The following COL11A2 variants were observed in gnomAD, a reference collection of about 807,000 sequenced individuals.
COL11A2 encodes collagen alpha-2(XI) chain.
In COL11A2, 116 loss-of-function variants were observed where a neutral mutation model predicts 273.4. The observed-to-expected ratio is 0.42, with a 90% CI of 0.36 to 0.49. The LOEUF (loss-of-function observed/expected upper bound fraction) is 0.49, where lower values mean the gene tolerates loss of function less well. COL11A2 is among the 20% of genes least tolerant of loss of function. The pLI, the probability that COL11A2 is intolerant of heterozygous loss-of-function variation, is 0.00. For synonymous variants in COL11A2, 782 were observed against 864.2 expected (o/e 0.90, Z 1.67); for missense variants, 1,866 against 2,309.0 (o/e 0.81, Z 3.93).
Position 33,163,285 on chromosome 6 carries a change from T to G in COL11A2, c.*393A>C. 3 of 229,908 alleles carry G rather than the reference T, an allele frequency of 1.3e-5. No individual in the cohort carries two copies. Among genetic ancestry groups the G allele is most frequent in the South Asian group, 7.5e-5 (1 of 13,408 alleles). 14.2% of individuals were successfully genotyped at this position (229,908 alleles called of 1,614,324 possible). A position where few individuals can be genotyped will look rare whatever the true frequency, so the allele number is the denominator to read the frequency against. ...GACCCCTGTCTTCAACATCTGCTGA[T>G]TTTTGTTGGCGTTTCTCTTTTTTGT... On this transcript the variant is annotated 3_prime_UTR_variant, in exon 66 of 66. Transcript: ENST00000341947. This position sits in a 1 kb window ranked among gnomAD's most constrained non-coding sequence, Gnocchi z 4.1.
Position 33,173,597 on chromosome 6 carries a change from G to A in COL11A2, c.2629-42C>T, listed in dbSNP as rs762135807. 10 of 1,155,862 alleles carry A rather than the reference G, an allele frequency of 8.7e-6. No homozygotes were observed. In the South Asian group the frequency reaches 1.2e-4, roughly 14 times the overall value. The allele number at this position is 1,155,862 out of a possible 1,614,324, so 71.6% of individuals were successfully genotyped here. On this transcript the variant is annotated intron_variant, in intron 35 of 65. Coordinates refer to ENST00000341947, the MANE Select transcript of COL11A2 (RefSeq NM_080680.3). This position sits in a 1 kb window ranked among gnomAD's most constrained non-coding sequence, Gnocchi z 6.3. Reference sequence around the variant, plus strand: ...GGGGAGTCAGGAGAATGGGGGCAGGGGCTGAGTGGGGGAACTCAGCTTCCT... The same window carrying A: ...GGGGAGTCAGGAGAATGGGGGCAGGAGCTGAGTGGGGGAACTCAGCTTCCT...
Position 33,167,206 on chromosome 6 carries a change from C to T in COL11A2, c.4176+58G>A. 1.2e-6 allele frequency: 2 copies of T among 1,613,634 alleles called. No homozygotes were observed. Among genetic ancestry groups the T allele is most frequent in the Non-Finnish European group, 1.7e-6 (2 of 1,179,536 alleles). On this transcript the variant is annotated intron_variant, in intron 57 of 65. Coordinates refer to ENST00000341947, the MANE Select transcript of COL11A2 (RefSeq NM_080680.3). The surrounding 1 kb of genome is among the most constrained non-coding windows in gnomAD (Gnocchi z 6.1). ...ACAGCCTCCACTTCCTCCAGGGCTTCAGCTCTGTCCCAGGGCACTGCCCTC... is the reference window on the plus strand; with the variant it reads ...ACAGCCTCCACTTCCTCCAGGGCTTTAGCTCTGTCCCAGGGCACTGCCCTC...
intron 7 of COL11A2, among the ~76,000 whole-genome samples, 175 bp downstream of exon 7, chr6:33,184,817 G>C (rs1328324693): frequency 6.6e-6 from 1 of 152,204 alleles, no homozygotes. Context: ...TGGACTTAGA[G>C]AGTCAAGCAG....
At chr6:33,193,219 C>T (rs1006857780), upstream of COL11A2, among the ~76,000 whole-genome samples, 4 of 152,034 alleles carry the variant, frequency 2.6e-5, no homozygotes, top group Non-Finnish European at 4.4e-5. Flanking sequence ...GCACGCAGCG[C>T]TCGGCGCCCA....
rs1771311101 is a variant in COL11A2, at chr6:33,178,920, C to T, written c.1665G>A (p.Lys555=). 4 of 1,613,876 alleles carry T rather than the reference C, an allele frequency of 2.5e-6. No individual in the cohort carries two copies. Among genetic ancestry groups the T allele is most frequent in the African/African-American group, 1.3e-5 (1 of 74,878 alleles). Reference sequence around the variant, plus strand: ...TCAGGGAGGGGCCCAAGCCTGTTACCTTCACTCCAGGATCTCCAGGCATCC... The same window carrying T: ...TCAGGGAGGGGCCCAAGCCTGTTACTTTCACTCCAGGATCTCCAGGCATCC... ...ARGMPGDPGV[K]GDRGFDGLPG... Residue 555 remains lysine (K), a splice_region_variant and synonymous_variant, in exon 17 of 66, where the codon AAG becomes AAA. Coordinates refer to ENST00000341947, the MANE Select transcript of COL11A2 (RefSeq NM_080680.3). This position sits in a 1 kb window ranked among gnomAD's most constrained non-coding sequence, Gnocchi z 4.6.
chr6:33,184,387 C>T, intron 7 of COL11A2, 63 bp from the exon 8 acceptor site: 2 of 1,223,896 alleles, frequency 1.6e-6, no homozygotes, highest in South Asian at 1.2e-5. Context: ...GAGGCTTACC[C>T]TGGACCCCAG....
In COL11A2 at chr6:33,170,712, C is replaced by A. The variant is rs1294374911; in HGVS notation, c.3474+98G>T. The A allele has an allele frequency of 1.3e-6, 2 of 1,583,720 alleles. No individual in the cohort carries two copies. The highest frequency in any genetic ancestry group is 2.7e-5 in the African/African-American group (2 of 74,320). On this transcript the variant is annotated intron_variant, in intron 46 of 65. Transcript: ENST00000341947. This position sits in a 1 kb window ranked among gnomAD's most constrained non-coding sequence, Gnocchi z 4.3. ...TCCCCTCCCCTCAGACTCCGCAGGC[C>A]CTCCAGTCTGCATCGGCAGGCTGCT...
rs1293223158 is a variant in COL11A2 at position 33,170,144 on chromosome 6, T to C, written c.3583-44A>G. On this transcript the variant is annotated intron_variant, in intron 48 of 65. Coordinates refer to ENST00000341947, the MANE Select transcript of COL11A2 (RefSeq NM_080680.3). The surrounding 1 kb of genome is among the most constrained non-coding windows in gnomAD (Gnocchi z 4.3). ...TAGGTGTCATTGCTTAGGATGGAGG[T>C]GCCATTTCAGGGGCAAAGTCCCAGA... is the stretch of plus-strand genomic sequence containing the variant. 2.5e-6 allele frequency: 4 copies of C among 1,612,102 alleles called. No individual in the cohort carries two copies. The highest frequency in any genetic ancestry group is 2.5e-6 in the Non-Finnish European group (3 of 1,179,468).
Position 33,164,460 on chromosome 6 carries a change from T to C in COL11A2, c.4877A>G (p.Asp1626Gly). 1 of 1,556,740 alleles carries C rather than the reference T, an allele frequency of 6.4e-7. No homozygotes were observed. ...RDDVTQFSYV[D>G]SEGSPVGVVQ... ...CACACCCACTGGGGAGCCCTCTGAGTCCACGTAAGAGAACTGGAAGGAGAG... is the reference window on the plus strand; with the variant it reads ...CACACCCACTGGGGAGCCCTCTGAGCCCACGTAAGAGAACTGGAAGGAGAG... Residue 1626 changes from aspartate (D) to glycine (G), a missense_variant, in exon 65 of 66, where the codon GAC (aspartate) becomes GGC (glycine). Transcript: ENST00000341947. This position sits in a 1 kb window ranked among gnomAD's most constrained non-coding sequence, Gnocchi z 4.7.
rs538636136 is a variant in COL11A2 at position 33,178,438 on chromosome 6, C to T, written c.1770G>A (p.Glu590=). The part of the protein sequence containing the change: ...GLPGPPGEDG[E]RGDDGEIGPR... ...CTACATTTGCCACTACACTTACCCT[C>T]TCTCCATCCTCACCAGGGGGACCAG... Residue 590 remains glutamate, a synonymous_variant, in exon 19 of 66, where the codon GAG becomes GAA. Transcript: ENST00000341947. This position sits in a 1 kb window ranked among gnomAD's most constrained non-coding sequence, Gnocchi z 4.6. The T allele has an allele frequency of 3.1e-6, 5 of 1,612,994 alleles. No individual in the cohort carries two copies. The East Asian group carries it at 1.1e-4, about 36-fold the overall frequency.
chr6:33,185,650 G>T, intron 6 of COL11A2, 51 bp downstream of exon 6: 1 of 860,292 alleles, frequency 1.2e-6, no homozygotes, highest in Non-Finnish European at 1.8e-6. Context: ...GGAGATGATT[G>T]CTGGGGGTGC....
At chr6:33,184,393 C>T in intron 7 of COL11A2, 69 bp from the exon 8 acceptor site, 21 of 1,143,006 alleles carry the variant, frequency 1.8e-5, no homozygotes, top group East Asian at 4.9e-5. Flanking sequence ...TACCCTGGAC[C>T]CCAGGGTGTG....
At chr6:33,180,125 C>G in intron 12 of COL11A2, 133 bp downstream of exon 12, 1 of 998,532 alleles carries the variant, frequency 1.0e-6, no homozygotes, top group Non-Finnish European at 1.6e-6. Flanking sequence ...AAAGACGAAT[C>G]CCTTTGGAGT....
At position 33,175,623 on chromosome 6, in the gene COL11A2, C is replaced by T. The variant is rs748159740; in HGVS notation, c.2327G>A (p.Arg776His). The T allele has an allele frequency of 2.4e-5, 39 of 1,612,826 alleles. No individual in the cohort carries two copies. The highest frequency in any genetic ancestry group is 1.5e-4 in the African/African-American group (11 of 74,872). ...GEDGPEGPKG[R>H]TGPTGDPGPP... is the part of the protein sequence containing the mutation. ...CCCAGGGTCTCCAGTCGGTCCAGTG[C>T]GTCCCTTTGGCCCCTCAGGACCATC... Residue 776 changes from arginine (R) to histidine (H), a missense_variant, in exon 30 of 66, where the codon CGC (arginine) becomes CAC (histidine). Transcript: ENST00000341947.
rs1043741488 is a variant in COL11A2, at chr6:33,166,527, G to A, written c.4378C>T (p.Pro1460Ser). The change falls in exon 60 of 66, where the codon CCC becomes TCC. Residue 1460 changes from proline (P) to serine (S), a missense_variant. Physicochemically the swap from Pro to Ser is moderately conservative, Grantham distance 74. Coordinates refer to ENST00000341947, the MANE Select transcript of COL11A2 (RefSeq NM_080680.3). The surrounding 1 kb of genome is among the most constrained non-coding windows in gnomAD (Gnocchi z 4.8). ...GCAGTACTCACGGGGAGGCCGGGGGGACCTCCAGGACCAATGGGGCCGGAT... is the reference window on the plus strand; with the variant it reads ...GCAGTACTCACGGGGAGGCCGGGGGAACCTCCAGGACCAATGGGGCCGGAT... Reference protein sequence around the residue: ...GASGPIGPGGPPGLPGPAGPK... With the variant: ...GASGPIGPGGSPGLPGPAGPK... 20 of 1,613,598 alleles carry A rather than the reference G, an allele frequency of 1.2e-5. No individual in the cohort carries two copies. The highest frequency in any genetic ancestry group is 1.6e-5 in the Non-Finnish European group (19 of 1,179,806).
At position 33,163,968 on chromosome 6, in the gene COL11A2, C is replaced by T. The variant is rs556948428; in HGVS notation, c.5071-150G>A. 8.0e-5 allele frequency: 97 copies of T among 1,207,570 alleles called. No homozygotes were observed. In the Middle Eastern group the frequency reaches 2.8e-3, roughly 35 times the overall value. The allele number at this position is 1,207,570 out of a possible 1,614,324, so 74.8% of individuals were successfully genotyped here. A position where few individuals can be genotyped will look rare whatever the true frequency, so the allele number is the denominator to read the frequency against. On this transcript the variant is annotated intron_variant, in intron 65 of 65. Coordinates refer to ENST00000341947, the MANE Select transcript of COL11A2 (RefSeq NM_080680.3). This position sits in a 1 kb window ranked among gnomAD's most constrained non-coding sequence, Gnocchi z 4.1. ...GACTGGCAGTGTCTATGTGCCCATG[C>T]GTGTGTGTTTGCTTCTCCCCCACCG...
intron 6 of COL11A2, 95 bp downstream of exon 6, chr6:33,185,606 C>T (rs1772308130): frequency 1.8e-6 from 1 of 543,668 alleles, no homozygotes; most frequent in Non-Finnish European, 3.6e-6. Flanking sequence ...TGTGCCTCTC[C>T]CCACGGCATG....
At position 33,192,191 on chromosome 6, in the gene COL11A2, AC is replaced by A; in HGVS notation, c.49del (p.Val17CysfsTer4). ...CHRLLLLLPL[V>X]LGLSAAPGWA... ...GCCTGGGGCCGCGCTCAGCCCCAGC[AC>A]CAGAGGTAGGAGGAGGAGGAGGCGA... On this transcript the variant is annotated frameshift_variant, in exon 1 of 66. Coordinates refer to ENST00000341947, the MANE Select transcript of COL11A2 (RefSeq NM_080680.3). LOFTEE classifies it high-confidence loss of function. 1 of 1,566,568 alleles carries A rather than the reference AC, an allele frequency of 6.4e-7. No individual in the cohort carries two copies. Among genetic ancestry groups the A allele is most frequent in the Non-Finnish European group, 8.7e-7 (1 of 1,155,596 alleles).
intron 7 of COL11A2, among the ~76,000 whole-genome samples, 165 bp from the exon 8 acceptor site, chr6:33,184,489 T>C (rs1170911522): frequency 6.6e-6 from 1 of 151,956 alleles, no homozygotes; most frequent in African/African-American, 2.4e-5. Context: ...TGTATATAAA[T>C]GGAAGGGCCA....
Sources: gnomAD v4.1 joint callset for allele counts (sites outside exome capture counted in the v4.1 genomes callset) on GRCh38, gnomAD v4.1.1 for gene constraint, Gnocchi (gnomAD v3.1) non-coding constraint, MANE v1.5 for transcripts, NCBI Gene and HGNC (gene_info 2026-07-23, HGNC 2026-07-21) for gene names.